The following CDKAL1 variants were observed in gnomAD, a reference collection of about 807,000 sequenced individuals.
The protein encoded by CDKAL1 is CDKAL1 threonylcarbamoyladenosine tRNA methylthiotransferase.
CDKAL1 carries 32 observed loss-of-function variants against 68.2 expected under a neutral mutation model. That is an observed-to-expected ratio of 0.47 (90% confidence interval 0.35 to 0.63). CDKAL1 has a LOEUF of 0.63. CDKAL1 is among the 30% of genes least tolerant of loss of function. The pLI, the probability that CDKAL1 is intolerant of heterozygous loss-of-function variation, is 0.00. For synonymous variants in CDKAL1, 234 were observed against 244.3 expected, an observed-to-expected ratio of 0.96 and a Z score of 0.39; for missense variants, 606 against 696.7, an observed-to-expected ratio of 0.87 and a Z score of 1.47.
chr6:20,973,426 G>A (rs1185894708), intron 10 of CDKAL1, among the ~76,000 whole-genome samples: 2 of 152,176 alleles, frequency 1.3e-5, no homozygotes, highest in Admixed American at 6.5e-5. Context: ...TGAGCGGGGA[G>A]TGAAGTAGGA....
chr6:20,759,170 T>C (rs1774361172), intron 7 of CDKAL1, among the ~76,000 whole-genome samples: 1 of 152,218 alleles, frequency 6.6e-6, no homozygotes, highest in South Asian at 2.1e-4. Context: ...CATAGTTTTC[T>C]TTTTTAAATA....
chr6:21,152,031 C>T (rs1371360593), intron 13 of CDKAL1, among the ~76,000 whole-genome samples: 1 of 152,210 alleles, frequency 6.6e-6, no homozygotes, highest in East Asian at 1.9e-4. Flanking sequence ...GACCTGTGCA[C>T]TTTGAAAATA....
At chr6:21,114,812 G>A (rs1381251076) in intron 13 of CDKAL1, among the ~76,000 whole-genome samples, 1 of 152,098 alleles carries the variant, frequency 6.6e-6, no homozygotes, top group Non-Finnish European at 1.5e-5. Context: ...TTTAAGTAGT[G>A]TATCAGGACA....
chr6:20,559,412 C>T (rs1764183970), intron 4 of CDKAL1: 1 of 152,180 alleles, frequency 6.6e-6, no homozygotes, highest in South Asian at 2.1e-4. Context: ...TAGTAACTCT[C>T]ATGGCAATTA....
intron 6 of CDKAL1, among the ~76,000 whole-genome samples, chr6:20,748,788 A>G (rs1773785575): frequency 7.3e-6 from 1 of 137,910 alleles, no homozygotes; most frequent in Admixed American, 7.2e-5. Context: ...ATGAAACTGG[A>G]CCTAGATATC....
At chr6:21,108,202 A>C (rs1275855340) in intron 12 of CDKAL1, among the ~76,000 whole-genome samples, 199 bp from the exon 13 acceptor site, 1 of 151,402 alleles carries the variant, frequency 6.6e-6, no homozygotes, top group Non-Finnish European at 1.5e-5. Context: ...TGTGATAATG[A>C]CCCACATAAC....
chr6:21,140,871 G>A (rs1376425115), intron 13 of CDKAL1, among the ~76,000 whole-genome samples: 1 of 152,210 alleles, frequency 6.6e-6, no homozygotes, highest in Non-Finnish European at 1.5e-5. Flanking sequence ...TGGCTGGGGA[G>A]GCCTCCGAAT....
intron 12 of CDKAL1, among the ~76,000 whole-genome samples, chr6:21,077,036 A>G (rs1772108933): frequency 6.6e-6 from 1 of 152,174 alleles, no homozygotes; most frequent in South Asian, 2.1e-4. Flanking sequence ...TATACAGAGG[A>G]TATTTATTTA....
intron 13 of CDKAL1, among the ~76,000 whole-genome samples, chr6:21,124,205 T>C (rs1394449581): frequency 6.6e-6 from 1 of 152,206 alleles, no homozygotes; most frequent in Non-Finnish European, 1.5e-5. Context: ...CATAGGTGTT[T>C]GTGTGTATTT....
At chr6:20,685,213 A>G (rs1420465994) in intron 5 of CDKAL1, among the ~76,000 whole-genome samples, 4 of 152,172 alleles carry the variant, frequency 2.6e-5, no homozygotes, top group Non-Finnish European at 4.4e-5. Flanking sequence ...TTGTTTTTTT[A>G]GCATGTGGAT....
intron 10 of CDKAL1, among the ~76,000 whole-genome samples, chr6:20,966,461 A>C (rs916483061): frequency 1.3e-5 from 2 of 152,196 alleles, no homozygotes; most frequent in Non-Finnish European, 2.9e-5. Context: ...ATATGGGCAC[A>C]ATCCATGTTT....
intron 8 of CDKAL1, among the ~76,000 whole-genome samples, chr6:20,812,318 A>G (rs548204884): frequency 5.0e-4 from 76 of 152,288 alleles, no homozygotes; most frequent in African/African-American, 1.8e-3. Flanking sequence ...TCTTTAGAAA[A>G]GCATTTCTAA....
At chr6:20,940,544 T>A (rs1442622876) in intron 9 of CDKAL1, among the ~76,000 whole-genome samples, 1 of 152,156 alleles carries the variant, frequency 6.6e-6, no homozygotes, top group Non-Finnish European at 1.5e-5. Flanking sequence ...AATTTCAATT[T>A]GTAATCAATT....
At chr6:21,115,047 G>T (rs1457654578) in intron 13 of CDKAL1, among the ~76,000 whole-genome samples, 1 of 152,010 alleles carries the variant, frequency 6.6e-6, no homozygotes, top group African/African-American at 2.4e-5. Context: ...AAAAGCCTTG[G>T]GTTATACCAC....
In CDKAL1 at chr6:21,070,163, C is replaced by A. The variant is rs531337124; in HGVS notation, c.1236+4935C>A. ...GACTGTGAATTTGATATTTGCTGTA[C>A]TTGCTGATCGTTTGGTTCCACTCTG... On this transcript the variant is annotated intron_variant, in intron 12 of 15. Transcript: ENST00000274695. 2.3e-4 allele frequency among the ~76,000 whole-genome samples: 35 copies of A among 152,206 alleles called. 2 individuals carry two copies. Among genetic ancestry groups the A allele is most frequent in the African/African-American group, 8.4e-4 (35 of 41,538 alleles).
chr6:21,066,836 G>T (rs1771471368), intron 12 of CDKAL1, among the ~76,000 whole-genome samples: 1 of 152,006 alleles, frequency 6.6e-6, no homozygotes, highest in Admixed American at 6.6e-5. Flanking sequence ...ATGTGGCCCA[G>T]GTTGGTCTCG....
At chr6:20,926,450 G>T (rs2150663820) in intron 9 of CDKAL1, among the ~76,000 whole-genome samples, 1 of 152,158 alleles carries the variant, frequency 6.6e-6, no homozygotes, top group Non-Finnish European at 1.5e-5. Context: ...GAAATTGTTT[G>T]ATTTGGACAG....
At chr6:20,733,684 A>C (rs943982788) in intron 5 of CDKAL1, among the ~76,000 whole-genome samples, 1 of 152,210 alleles carries the variant, frequency 6.6e-6, no homozygotes, top group Non-Finnish European at 1.5e-5. Context: ...TATGGTATTC[A>C]TGGAATCTGG....
chr6:20,908,243 G>T (rs540290806), intron 9 of CDKAL1, among the ~76,000 whole-genome samples: 8 of 152,278 alleles, frequency 5.3e-5, no homozygotes, highest in Admixed American at 3.9e-4. Context: ...CAAAAGAAAG[G>T]TTAATGTATT....
Sources: gnomAD v4.1 joint callset for allele counts (sites outside exome capture counted in the v4.1 genomes callset) on GRCh38, gnomAD v4.1.1 for gene constraint, MANE v1.5 for transcripts, NCBI Gene and HGNC (gene_info 2026-07-23, HGNC 2026-07-21) for gene names.